The following ERBB4 variants were observed in gnomAD, a reference collection of about 807,000 sequenced individuals.
ERBB4 encodes receptor tyrosine-protein kinase erbB-4.
Under a neutral mutation model 158.0 loss-of-function variants are expected in ERBB4, and 42 were observed. That is an observed-to-expected ratio of 0.27 (90% CI 0.21 to 0.34). ERBB4 has a LOEUF of 0.34. ERBB4 is among the 10% of genes least tolerant of loss of function. The pLI is 1.00. For missense variants in ERBB4, 1,333 were observed against 1,624.1 expected (o/e 0.82, Z 3.08); for synonymous variants, 583 against 558.7 (o/e 1.04, Z -0.61).
Position 211,721,443 on chromosome 2 carries a change from CAAAAAA to C in ERBB4, c.883+944_883+949del, listed in dbSNP as rs71054136. Among the ~76,000 whole-genome samples, 10 of 54,502 alleles carry C rather than the reference CAAAAAA, an allele frequency of 1.8e-4. No individual in the cohort carries two copies. The Admixed American group carries it at 2.0e-3, about 11-fold the overall frequency. 35.8% of individuals were successfully genotyped at this position (54,502 alleles called of 152,430 possible). A position where few individuals can be genotyped will look rare whatever the true frequency, so the allele number is the denominator to read the frequency against. ...GAAATGTCCCATTGGTTACTCAAAGCAAAAAAAAAAAAAAAAAAAAAATAGAGTCAA... is the reference window on the plus strand; with the variant it reads ...GAAATGTCCCATTGGTTACTCAAAGCAAAAAAAAAAAAAAAATAGAGTCAA... On this transcript the variant is annotated intron_variant, in intron 7 of 27. Transcript: ENST00000342788.
intron 2 of ERBB4, among the ~76,000 whole-genome samples, chr2:212,112,838 T>C (rs906220278): frequency 1.3e-5 from 2 of 152,214 alleles, no homozygotes; most frequent in African/African-American, 4.8e-5. Context: ...AAATACTGTT[T>C]CTTTTTATTA....
intron 7 of ERBB4, 52 bp downstream of exon 7, chr2:211,722,341 T>C: frequency 6.9e-7 from 1 of 1,454,690 alleles, no homozygotes; most frequent in Non-Finnish European, 9.6e-7. Context: ...AAAATTCTTT[T>C]GATTTCAAAT....
chr2:212,532,679 C>CTA (rs1192276424), intron 1 of ERBB4, among the ~76,000 whole-genome samples: 3 of 152,212 alleles, frequency 2.0e-5, no homozygotes, highest in Non-Finnish European at 4.4e-5. Context: ...TCCAAACCTC[C>CTA]TAACTTTTAG....
At chr2:211,992,747 G>A (rs2082110218) in intron 2 of ERBB4, among the ~76,000 whole-genome samples, 1 of 152,124 alleles carries the variant, frequency 6.6e-6, no homozygotes, top group African/African-American at 2.4e-5. Context: ...CGGATACCAG[G>A]AAATCATTTG....
At chr2:211,536,702 A>G (rs1469493527) in intron 20 of ERBB4, among the ~76,000 whole-genome samples, 2 of 152,084 alleles carry the variant, frequency 1.3e-5, no homozygotes. Context: ...TCATCGAAGA[A>G]TGGGAGTCAG....
At chr2:212,169,025 G>A (rs1462506762) in intron 1 of ERBB4, among the ~76,000 whole-genome samples, 5 of 152,160 alleles carry the variant, frequency 3.3e-5, no homozygotes, top group South Asian at 2.1e-4. Context: ...ATGCTATTCA[G>A]TGATGGTAAA....
At chr2:212,109,797 C>G (rs1485800974) in intron 2 of ERBB4, among the ~76,000 whole-genome samples, 1 of 152,148 alleles carries the variant, frequency 6.6e-6, no homozygotes, top group African/African-American at 2.4e-5. Context: ...AGATATATTT[C>G]TGCTTGAAAA....
At chr2:211,630,921 C>A (rs540847412) in intron 16 of ERBB4, among the ~76,000 whole-genome samples, 1 of 151,968 alleles carries the variant, frequency 6.6e-6, no homozygotes, top group Non-Finnish European at 1.5e-5. Context: ...TTGGTGTTGG[C>A]GCATTTAATA....
intron 3 of ERBB4, among the ~76,000 whole-genome samples, chr2:211,802,678 CAAGAGTTAT>C (rs2076527334): frequency 6.6e-6 from 1 of 152,192 alleles, no homozygotes; most frequent in Admixed American, 6.5e-5. Flanking sequence ...TCCAGAGCTT[CAAGAGTTAT>C]AATCTAAATT....
chr2:212,248,521 T>C (rs2084396360), intron 1 of ERBB4, among the ~76,000 whole-genome samples: 1 of 152,018 alleles, frequency 6.6e-6, no homozygotes, highest in Admixed American at 6.6e-5. Flanking sequence ...TTAACTGTGA[T>C]ATACTTTAAC....
chr2:212,063,871 C>G (rs2077858239), intron 2 of ERBB4, among the ~76,000 whole-genome samples: 1 of 152,098 alleles, frequency 6.6e-6, no homozygotes, highest in Non-Finnish European at 1.5e-5. Context: ...TTGAATGGCC[C>G]TTGAATGCCC....
At chr2:211,573,049 T>C (rs1256506281) in intron 19 of ERBB4, among the ~76,000 whole-genome samples, 1 of 152,188 alleles carries the variant, frequency 6.6e-6, no homozygotes. Flanking sequence ...TGTGCAGATA[T>C]AATTAAATTA....
intron 2 of ERBB4, among the ~76,000 whole-genome samples, chr2:212,001,417 T>C (rs2076101291): frequency 6.6e-6 from 1 of 152,198 alleles, no homozygotes; most frequent in Non-Finnish European, 1.5e-5. Context: ...TAGGGTGTTA[T>C]ACTTGCTCCA....
At chr2:211,920,581 G>A (rs1156960933) in intron 3 of ERBB4, among the ~76,000 whole-genome samples, 1 of 151,918 alleles carries the variant, frequency 6.6e-6, no homozygotes. Context: ...CAAGATTACT[G>A]CAAGATGTGT....
At chr2:211,390,560 G>T (rs1444467411) in intron 25 of ERBB4, among the ~76,000 whole-genome samples, 1 of 152,194 alleles carries the variant, frequency 6.6e-6, no homozygotes, top group Non-Finnish European at 1.5e-5. Context: ...CAACTTACAA[G>T]TCATTCTTCA....
chr2:212,370,725 T>C (rs577044595), intron 1 of ERBB4, among the ~76,000 whole-genome samples: 1 of 152,266 alleles, frequency 6.6e-6, no homozygotes, highest in South Asian at 2.1e-4. Context: ...TTAAAAGCCA[T>C]TTACCTTCTG....
chr2:212,270,983 TTC>T (rs1318758330), intron 1 of ERBB4, among the ~76,000 whole-genome samples: 1 of 151,760 alleles, frequency 6.6e-6, no homozygotes, highest in Non-Finnish European at 1.5e-5. Flanking sequence ...TGAGATAAAA[TTC>T]TGTTATTATA....
chr2:212,138,748 G>A (rs2080352097), intron 1 of ERBB4, among the ~76,000 whole-genome samples: 1 of 152,030 alleles, frequency 6.6e-6, no homozygotes, highest in Non-Finnish European at 1.5e-5. Flanking sequence ...TTGTCTAAAA[G>A]GATAAGGAAA....
At chr2:211,570,028 C>G (rs1241449157) in intron 19 of ERBB4, among the ~76,000 whole-genome samples, 1 of 152,204 alleles carries the variant, frequency 6.6e-6, no homozygotes, top group East Asian at 1.9e-4. Flanking sequence ...CATCACCATT[C>G]TCAAACTTTC....
Sources: allele counts gnomAD v4.1 joint callset (sites outside exome capture counted in the v4.1 genomes callset), GRCh38; gene constraint gnomAD v4.1.1; transcripts MANE v1.5; gene names NCBI Gene and HGNC (gene_info 2026-07-23, HGNC 2026-07-21).